RARB: variants seen among roughly 807,000 people sequenced by gnomAD.
RARB encodes the protein retinoic acid receptor beta, also known as HBV-activated protein.
Under a neutral mutation model 51.9 loss-of-function variants are expected in RARB, and 17 were observed. The ratio of observed to expected loss-of-function variants is 0.33; its 90% CI spans 0.22 to 0.49. The LOEUF is 0.49. Ranked by LOEUF, RARB falls within the 20% of genes least tolerant of loss-of-function variation. RARB has a pLI of 0.99. For synonymous variants in RARB, 215 were observed against 195.4 expected, an observed-to-expected ratio of 1.10 and a Z score of -0.84; for missense variants, 369 against 550.8, an observed-to-expected ratio of 0.67 and a Z score of 3.30.
At chr3:25,284,039 A>G (rs1182210271) in intron 5 of RARB, among the ~76,000 whole-genome samples, 2 of 152,100 alleles carry the variant, frequency 1.3e-5, no homozygotes, top group African/African-American at 2.4e-5. Flanking sequence ...CCTGCTGGCA[A>G]TCTCTCTCCT....
intron 1 of RARB, among the ~76,000 whole-genome samples, chr3:25,431,256 GT>G (rs1327784203): frequency 1.3e-5 from 2 of 151,778 alleles, no homozygotes; most frequent in East Asian, 3.9e-4. Flanking sequence ...TCTGCTTTGA[GT>G]TTTTTTTATG....
intron 2 of RARB, among the ~76,000 whole-genome samples, chr3:24,902,490 G>T (rs1055753672): frequency 6.6e-6 from 1 of 152,094 alleles, no homozygotes; most frequent in Non-Finnish European, 1.5e-5. Flanking sequence ...GTGCTTTAAG[G>T]TTTAGACATG....
At chr3:25,102,541 A>C (rs1473207807) in intron 3 of RARB, among the ~76,000 whole-genome samples, 1 of 151,864 alleles carries the variant, frequency 6.6e-6, no homozygotes, top group Non-Finnish European at 1.5e-5. Flanking sequence ...CTCTGTCTCA[A>C]AAAAAAATGA....
chr3:25,113,113 A>G (rs983420794), intron 3 of RARB, among the ~76,000 whole-genome samples: 2 of 151,872 alleles, frequency 1.3e-5, no homozygotes, highest in Non-Finnish European at 2.9e-5. Context: ...TTTTGTTCTG[A>G]TTTTTTTCTT....
At chr3:25,402,715 T>C (rs979521820) in intron 5 of RARB, among the ~76,000 whole-genome samples, 3 of 152,084 alleles carry the variant, frequency 2.0e-5, no homozygotes, top group African/African-American at 7.2e-5. Context: ...GAAAGACAAA[T>C]GTCGCATGTT....
intron 2 of RARB, among the ~76,000 whole-genome samples, chr3:24,979,696 C>T (rs1040248512): frequency 6.6e-6 from 1 of 151,848 alleles, no homozygotes; most frequent in Non-Finnish European, 1.5e-5. Context: ...ATCCTGAATA[C>T]AGCACACCAA....
intron 5 of RARB, among the ~76,000 whole-genome samples, chr3:25,203,182 G>C (rs1701441716): frequency 6.6e-6 from 1 of 152,162 alleles, no homozygotes. Context: ...TTACCATTAT[G>C]CAATGGCCTT....
intron 1 of RARB, among the ~76,000 whole-genome samples, chr3:25,456,233 CA>C (rs1388459689): frequency 6.6e-6 from 1 of 152,170 alleles, no homozygotes; most frequent in African/African-American, 2.4e-5. Flanking sequence ...AGCAGGATGA[CA>C]GTGAACAGAT....
At chr3:25,409,674 G>A (rs1457495261) in intron 5 of RARB, among the ~76,000 whole-genome samples, 1 of 152,116 alleles carries the variant, frequency 6.6e-6, no homozygotes, top group African/African-American at 2.4e-5. Context: ...TATTACAAAG[G>A]ACTTTGTGTT....
intron 2 of RARB, among the ~76,000 whole-genome samples, chr3:24,883,527 A>T (rs182979229): frequency 6.6e-6 from 1 of 152,172 alleles, no homozygotes; most frequent in African/African-American, 2.4e-5. Flanking sequence ...TGACATTCTA[A>T]TTATAAATAC....
chr3:25,297,013 T>C (rs568095184), intron 5 of RARB, among the ~76,000 whole-genome samples: 15 of 152,228 alleles, frequency 9.9e-5, no homozygotes, highest in African/African-American at 1.7e-4. Context: ...CCTACCTAGA[T>C]AGTGTCTGTG....
intron 4 of RARB, among the ~76,000 whole-genome samples, chr3:25,173,732 A>G (rs1187595163): frequency 6.6e-6 from 1 of 152,242 alleles, no homozygotes; most frequent in African/African-American, 2.4e-5. Context: ...TAGGAGCTTA[A>G]AGCATAACTG....
chr3:24,869,829 T>C (rs551482368), intron 2 of RARB, among the ~76,000 whole-genome samples: 1 of 152,210 alleles, frequency 6.6e-6, no homozygotes, highest in Non-Finnish European at 1.5e-5. Context: ...CATTCCCTGG[T>C]TTATCATTCT....
intron 5 of RARB, among the ~76,000 whole-genome samples, chr3:25,278,277 G>C (rs183908441): frequency 3.3e-5 from 5 of 152,314 alleles, no homozygotes; most frequent in Admixed American, 2.6e-4. Flanking sequence ...TTGTCGTAAA[G>C]ATTAAATGAA....
At chr3:25,390,904 G>GT (rs59843479) in intron 5 of RARB, among the ~76,000 whole-genome samples, 2 of 151,726 alleles carry the variant, frequency 1.3e-5, no homozygotes, top group African/African-American at 2.4e-5. Flanking sequence ...GATAATTTTT[G>GT]TTTTAATTTC....
In RARB at chr3:25,349,348, C is replaced by T. The variant is rs140769717; in HGVS notation, c.179-111845C>T. 1.6e-3 allele frequency among the ~76,000 whole-genome samples: 251 copies of T among 152,322 alleles called. 1 individual carries two copies. The highest frequency in any genetic ancestry group is 5.7e-3 in the African/African-American group (239 of 41,576). ...GCCAGCACTTTTCGAGGATGGCCAG[C>T]ATGTGGCTGCTGTATGAGGTTGATA... On this transcript the variant is annotated intron_variant, in intron 5 of 11. Transcript: ENST00000383772.
intron 3 of RARB, among the ~76,000 whole-genome samples, chr3:25,079,137 T>C (rs970617028): frequency 2.0e-5 from 3 of 152,178 alleles, no homozygotes; most frequent in African/African-American, 7.2e-5. Flanking sequence ...AAATGTTTCA[T>C]TTTTTGTTCT....
chr3:25,138,411 G>C (rs36109861), intron 4 of RARB, among the ~76,000 whole-genome samples: 25,352 of 150,656 alleles, frequency 0.17, 2,252 homozygotes, highest in South Asian at 0.3. Context: ...AAGGACCATT[G>C]ATTCAGTCCC....
intron 5 of RARB, among the ~76,000 whole-genome samples, chr3:25,199,000 A>G (rs1040277647): frequency 1.3e-5 from 2 of 152,200 alleles, no homozygotes; most frequent in Non-Finnish European, 2.9e-5. Context: ...TCTCATGTTT[A>G]TTGTAGCACT....
Sources: gnomAD v4.1 joint callset for allele counts (sites outside exome capture counted in the v4.1 genomes callset) on GRCh38, gnomAD v4.1.1 for gene constraint, MANE v1.5 for transcripts, NCBI Gene and HGNC (gene_info 2026-07-23, HGNC 2026-07-21) for gene names.